CNTNAP2: variants seen among roughly 807,000 people sequenced by gnomAD.
CNTNAP2 encodes the protein contactin-associated protein-like 2.
Under a neutral mutation model 155.2 loss-of-function variants are expected in CNTNAP2, and 98 were observed. The observed-to-expected ratio is 0.63, with a 90% CI of 0.54 to 0.75. The LOEUF (loss-of-function observed/expected upper bound fraction) is 0.75, where lower values mean the gene tolerates loss of function less well. Ranked by LOEUF, CNTNAP2 falls within the 30% of genes least tolerant of loss-of-function variation. The pLI, the probability that CNTNAP2 is intolerant of heterozygous loss-of-function variation, is 0.00. For synonymous variants in CNTNAP2, 651 were observed against 631.2 expected (o/e 1.03, Z -0.47); for missense variants, 1,727 against 1,688.1 (o/e 1.02, Z -0.40).
At chr7:148,092,129 A>C (rs748730138) in intron 15 of CNTNAP2, among the ~76,000 whole-genome samples, 1 of 152,238 alleles carries the variant, frequency 6.6e-6, no homozygotes, top group Admixed American at 6.5e-5. Context: ...GAAAGCTTGC[A>C]TAAGTCTCTG....
chr7:147,091,103 A>G (rs940760917), intron 4 of CNTNAP2, among the ~76,000 whole-genome samples: 2 of 152,086 alleles, frequency 1.3e-5, no homozygotes, highest in African/African-American at 2.4e-5. Flanking sequence ...AGTTGAATCA[A>G]TAGCATCATG....
intron 21 of CNTNAP2, among the ~76,000 whole-genome samples, chr7:148,330,637 G>A (rs114576818): frequency 0.014 from 2,092 of 146,392 alleles, 98 homozygotes; most frequent in African/African-American, 0.049. Flanking sequence ...GTGGACGGAC[G>A]GAGTGGACGG....
intron 13 of CNTNAP2, among the ~76,000 whole-genome samples, chr7:147,739,353 C>A (rs1796917173): frequency 6.6e-6 from 1 of 152,010 alleles, no homozygotes; most frequent in Non-Finnish European, 1.5e-5. Flanking sequence ...CTTAAAGCAA[C>A]CTTGTTCATT....
chr7:146,466,589 G>A (rs1796720457), intron 1 of CNTNAP2, among the ~76,000 whole-genome samples: 1 of 151,844 alleles, frequency 6.6e-6, no homozygotes, highest in Admixed American at 6.6e-5. Flanking sequence ...CATTTGGACA[G>A]CTTTCCCCAA....
intron 3 of CNTNAP2, among the ~76,000 whole-genome samples, chr7:147,006,674 G>C (rs1798530791): frequency 6.6e-6 from 1 of 152,056 alleles, no homozygotes; most frequent in African/African-American, 2.4e-5. Context: ...TTTAAAGTGT[G>C]TGATAATAAG....
intron 1 of CNTNAP2, among the ~76,000 whole-genome samples, chr7:146,202,379 T>A (rs1798878801): frequency 6.6e-6 from 1 of 152,240 alleles, no homozygotes; most frequent in South Asian, 2.1e-4. Context: ...CAGTCGTCTC[T>A]TGAGTGAATT....
intron 1 of CNTNAP2, among the ~76,000 whole-genome samples, chr7:146,437,430 T>C (rs1584925230): frequency 6.6e-6 from 1 of 151,562 alleles, no homozygotes; most frequent in African/African-American, 2.4e-5. Flanking sequence ...GAATCAAAAC[T>C]ATATTTCATA....
chr7:147,944,291 A>G (rs2707579), intron 14 of CNTNAP2, among the ~76,000 whole-genome samples: 128,508 of 152,204 alleles, frequency 0.84, 54,590 homozygotes, highest in South Asian at 0.93. Flanking sequence ...CAAGCCATGT[A>G]CATTCATGTT....
chr7:148,310,352 C>G (rs1328992484), intron 21 of CNTNAP2, among the ~76,000 whole-genome samples: 2 of 152,154 alleles, frequency 1.3e-5, no homozygotes, highest in Admixed American at 6.5e-5. Context: ...AAGTCAAGGC[C>G]TCAGCGGTTT....
chr7:147,043,596 A>G (rs1294402520), intron 3 of CNTNAP2, among the ~76,000 whole-genome samples: 3 of 152,246 alleles, frequency 2.0e-5, no homozygotes, highest in Admixed American at 6.5e-5. Context: ...TATTGTATAA[A>G]TTAAATGCAA....
intron 15 of CNTNAP2, among the ~76,000 whole-genome samples, chr7:148,000,542 C>T (rs1801878114): frequency 6.6e-6 from 1 of 152,098 alleles, no homozygotes; most frequent in Admixed American, 6.6e-5. Context: ...CAGTAATTTG[C>T]TCCAAGTGAC....
In CNTNAP2 at chr7:146,774,238, G is replaced by A. The variant is rs768031513; in HGVS notation, c.98-33G>A. Reference sequence around the variant, plus strand: ...ATCGTTATTTCGAAATCGTTGTTGAGTGTCTCTCTCCCTCTCTGTCTTTTG... The same window carrying A: ...ATCGTTATTTCGAAATCGTTGTTGAATGTCTCTCTCCCTCTCTGTCTTTTG... On this transcript the variant is annotated intron_variant, in intron 1 of 23. Coordinates refer to ENST00000361727, the MANE Select transcript of CNTNAP2 (RefSeq NM_014141.6). 34 of 1,496,648 alleles carry A rather than the reference G, an allele frequency of 2.3e-5. No individual in the cohort carries two copies. In the South Asian group the frequency reaches 3.4e-4, roughly 15 times the overall value. 92.7% of individuals were successfully genotyped at this position (1,496,648 alleles called of 1,614,324 possible).
At chr7:147,904,057 A>T (rs947754023) in intron 14 of CNTNAP2, among the ~76,000 whole-genome samples, 2 of 152,192 alleles carry the variant, frequency 1.3e-5, no homozygotes, top group African/African-American at 4.8e-5. Flanking sequence ...GCGGGAAGCC[A>T]GTGTGCATGA....
At chr7:148,297,588 A>G (rs1797308673) in intron 21 of CNTNAP2, among the ~76,000 whole-genome samples, 1 of 152,158 alleles carries the variant, frequency 6.6e-6, no homozygotes, top group South Asian at 2.1e-4. Context: ...TGATTTGGGG[A>G]GAGTTAAAAA....
At chr7:148,024,375 G>A (rs1461104781) in intron 15 of CNTNAP2, among the ~76,000 whole-genome samples, 4 of 152,060 alleles carry the variant, frequency 2.6e-5, no homozygotes, top group South Asian at 4.1e-4. Flanking sequence ...GAAAGAAAAC[G>A]AAGTGTGGTG....
intron 1 of CNTNAP2, among the ~76,000 whole-genome samples, chr7:146,699,110 G>T (rs1039706175): frequency 1.3e-5 from 2 of 152,068 alleles, no homozygotes; most frequent in African/African-American, 4.8e-5. Flanking sequence ...AGTTTCTGCT[G>T]TATCTAAGTA....
chr7:147,885,779 G>C (rs188039007), intron 13 of CNTNAP2, among the ~76,000 whole-genome samples: 1 of 152,088 alleles, frequency 6.6e-6, no homozygotes, highest in Non-Finnish European at 1.5e-5. Flanking sequence ...AACACTCACC[G>C]CTCGTTTACC....
chr7:148,201,828 G>C (rs1795375365), intron 18 of CNTNAP2, among the ~76,000 whole-genome samples: 1 of 151,874 alleles, frequency 6.6e-6, no homozygotes. Context: ...AAAAAAATAA[G>C]ACATTAGAAA....
chr7:146,352,826 C>T (rs1213901943), intron 1 of CNTNAP2, among the ~76,000 whole-genome samples: 1 of 133,664 alleles, frequency 7.5e-6, no homozygotes, highest in African/African-American at 3.0e-5. Flanking sequence ...GCGATCTCGG[C>T]TCACTGCAAG....
Sources: allele counts gnomAD v4.1 joint callset (sites outside exome capture counted in the v4.1 genomes callset), GRCh38; gene constraint gnomAD v4.1.1; transcripts MANE v1.5; gene names NCBI Gene and HGNC (gene_info 2026-07-23, HGNC 2026-07-21).